The following SH3BP1 variants were observed in gnomAD, a reference collection of about 807,000 sequenced individuals.
The protein encoded by SH3BP1 is SH3 domain-binding protein 1.
Under a neutral mutation model 69.8 loss-of-function variants are expected in SH3BP1, and 46 were observed. The observed-to-expected ratio is 0.66, with a 90% CI of 0.52 to 0.84. The LOEUF is 0.84. Ranked by LOEUF, SH3BP1 falls within the 40% of genes least tolerant of loss-of-function variation. The pLI is 0.00. For synonymous variants in SH3BP1, 403 were observed against 378.0 expected (o/e 1.07, Z -0.77); for missense variants, 868 against 930.9 (o/e 0.93, Z 0.88).
At chr22:37,642,248 C>T in intron 3 of SH3BP1, 2 of 440,522 alleles carry the variant, frequency 4.5e-6, no homozygotes, top group Non-Finnish European at 8.5e-6. Flanking sequence ...GGGCAAGCTC[C>T]CTGCCCTCCC....
chr22:37,649,939 G>A (rs1046500075), intron 14 of SH3BP1: 5 of 669,416 alleles, frequency 7.5e-6, no homozygotes, highest in Non-Finnish European at 1.4e-5. Flanking sequence ...TGAGGAAAAG[G>A]GTCCTTGATT....
chr22:37,648,316 T>C lies in SH3BP1; in HGVS notation c.1200-3T>C. ...CCTGGCCTAAGCCTGCCTCCGCCCT[T>C]AGGTACCTGATGAAGTTCCTGGCAC... On this transcript the variant is annotated splice_region_variant and splice_polypyrimidine_tract_variant and intron_variant, in intron 13 of 17. Coordinates refer to ENST00000649765, the MANE Select transcript of SH3BP1 (RefSeq NM_018957.6). 1.3e-6 allele frequency: 2 copies of C among 1,581,794 alleles called. No homozygotes were observed. The highest frequency in any genetic ancestry group is 2.3e-5 in the East Asian group (1 of 43,860).
In SH3BP1 at chr22:37,650,530, T is replaced by C. The variant is rs764171772; in HGVS notation, c.1415-12T>C. 1 of 1,603,948 alleles carries C rather than the reference T, an allele frequency of 6.2e-7. No individual in the cohort carries two copies. On this transcript the variant is annotated splice_polypyrimidine_tract_variant and intron_variant, in intron 15 of 17. Coordinates refer to ENST00000649765, the MANE Select transcript of SH3BP1 (RefSeq NM_018957.6). Reference sequence around the variant, plus strand: ...GGTCTCTGAGAGCCGTCTCCGCTCCTTCTGTCTCCAGACATCAACTTCAAC... The same window carrying C: ...GGTCTCTGAGAGCCGTCTCCGCTCCCTCTGTCTCCAGACATCAACTTCAAC...
At chr22:37,641,100 C>CG in intron 1 of SH3BP1, 26 bp from the exon 2 acceptor site, 3 of 379,796 alleles carry the variant, frequency 7.9e-6, no homozygotes, top group Non-Finnish European at 1.0e-5. Context: ...AAGCACTCTC[C>CG]CCCCCCCCCC....
intron 4 of SH3BP1, 52 bp downstream of exon 4, chr22:37,642,667 C>T (rs1323698749): frequency 2.5e-6 from 4 of 1,612,020 alleles, no homozygotes; most frequent in Non-Finnish European, 3.4e-6. Flanking sequence ...GACGTGATCT[C>T]AGCTGGGAGG....
chr22:37,640,515 A>G (rs1601579053), intron 1 of SH3BP1: 1 of 153,210 alleles, frequency 6.5e-6, no homozygotes, highest in East Asian at 1.9e-4. Context: ...CCCCAGCCTC[A>G]GGAGTTCCCC....
chr22:37,643,544 C>T, intron 6 of SH3BP1, 100 bp from the exon 7 acceptor site: 1 of 1,526,694 alleles, frequency 6.6e-7, no homozygotes, highest in Non-Finnish European at 9.0e-7. Flanking sequence ...ATCTGCAGCT[C>T]TAAATCCTAG....
chr22:37,647,741 T>C (rs1445484684), intron 13 of SH3BP1, among the ~76,000 whole-genome samples: 7 of 151,890 alleles, frequency 4.6e-5, no homozygotes, highest in African/African-American at 1.7e-4. Context: ...AGTGGTGCAG[T>C]CTTGGCTCAC....
At chr22:37,654,851 T>G (rs1932972636) in intron 17 of SH3BP1, among the ~76,000 whole-genome samples, 1 of 152,134 alleles carries the variant, frequency 6.6e-6, no homozygotes, top group Non-Finnish European at 1.5e-5. Context: ...GGCTTACACC[T>G]GTCATCCCAG....
intron 7 of SH3BP1, 22 bp from the exon 8 acceptor site, chr22:37,644,615 C>T: frequency 3.1e-6 from 5 of 1,613,384 alleles, no homozygotes; most frequent in Non-Finnish European, 4.2e-6. Flanking sequence ...CCAACGTAAG[C>T]TCTCCCCTCT....
At chr22:37,643,030 C>CCCCCAGGTT (rs750791379) in intron 5 of SH3BP1, 24 bp downstream of exon 5, 72 of 1,608,170 alleles carry the variant, frequency 4.5e-5, no homozygotes, top group Non-Finnish European at 5.5e-5. Context: ...CTGCTTTCAG[C>CCCCCAGGTT]CCCCAGCTTC....
At chr22:37,648,549 C>A in intron 14 of SH3BP1, 114 bp downstream of exon 14, 1 of 725,444 alleles carries the variant, frequency 1.4e-6, no homozygotes. Flanking sequence ...GTGGGTTGAG[C>A]AGCTCCTGTT....
intron 14 of SH3BP1, among the ~76,000 whole-genome samples, chr22:37,649,025 G>A (rs908433546): frequency 7.9e-5 from 12 of 151,954 alleles, no homozygotes; most frequent in African/African-American, 1.9e-4. Context: ...CGCCTGGCTC[G>A]ATCAGGTTCT....
At position 37,655,689 on chromosome 22, in the gene SH3BP1, C is replaced by T; in HGVS notation, c.*5C>T. ...CTTGCCTCAGAGACCAACTGAGTGG[C>T]TGGTTTCTCCCTAAGCAGCCCTCAG... On this transcript the variant is annotated 3_prime_UTR_variant, in exon 18 of 18. Coordinates refer to ENST00000649765, the MANE Select transcript of SH3BP1 (RefSeq NM_018957.6). 7.0e-7 allele frequency: 1 copy of T among 1,429,334 alleles called. No individual in the cohort carries two copies. Among genetic ancestry groups the T allele is most frequent in the Non-Finnish European group, 9.2e-7 (1 of 1,086,702 alleles). 88.5% of individuals were successfully genotyped at this position (1,429,334 alleles called of 1,614,324 possible).
intron 17 of SH3BP1, 21 bp downstream of exon 17, chr22:37,653,894 G>A: frequency 8.8e-6 from 11 of 1,249,338 alleles, no homozygotes; most frequent in Non-Finnish European, 1.3e-5. Flanking sequence ...TGTGGGAGGG[G>A]AGGAGGGGAC....
In SH3BP1 at chr22:37,655,141, C is replaced by T. The variant is rs932376308; in HGVS notation, c.1694-131C>T. 1.5e-5 allele frequency: 10 copies of T among 665,358 alleles called. No homozygotes were observed. The African/African-American group carries it at 1.7e-4, about 12-fold the overall frequency. 41.2% of individuals were successfully genotyped at this position (665,358 alleles called of 1,614,324 possible). A position where few individuals can be genotyped will look rare whatever the true frequency, so the allele number is the denominator to read the frequency against. On this transcript the variant is annotated intron_variant, in intron 17 of 17. Transcript: ENST00000649765. Reference sequence around the variant, plus strand: ...AAGGAGAGGCCTAGACGATGAGGAGCCAGCCGCAGAAACGGTGTTCCCGGC... The same window carrying T: ...AAGGAGAGGCCTAGACGATGAGGAGTCAGCCGCAGAAACGGTGTTCCCGGC...
rs1932987771 is a variant in SH3BP1, at chr22:37,655,261, TTCC to T, written c.1694-8_1694-6del. The T allele has an allele frequency of 6.3e-7, 1 of 1,581,476 alleles. No individual in the cohort carries two copies. The highest frequency in any genetic ancestry group is 8.6e-7 in the Non-Finnish European group (1 of 1,166,652). On this transcript the variant is annotated splice_polypyrimidine_tract_variant and splice_region_variant and intron_variant, in intron 17 of 17. Transcript: ENST00000649765. ...ACACTCAGCCTCCCTCACCCTTTCC[TTCC>T]TCAACAGCCAAGCGCCCGGCGCCAG...
intron 14 of SH3BP1, chr22:37,649,800 T>G: frequency 3.1e-6 from 1 of 321,384 alleles, no homozygotes; most frequent in Non-Finnish European, 6.0e-6. Context: ...AAAGAAGAAA[T>G]AATAAAATTA....
intron 14 of SH3BP1, 160 bp from the exon 15 acceptor site, chr22:37,649,992 C>T (rs1056243665): frequency 7.5e-5 from 59 of 790,412 alleles, no homozygotes; most frequent in Non-Finnish European, 1.2e-4. Flanking sequence ...GGACATTTGG[C>T]ATGTGAGTGA....
Sources: allele counts gnomAD v4.1 joint callset (sites outside exome capture counted in the v4.1 genomes callset), GRCh38; gene constraint gnomAD v4.1.1; transcripts MANE v1.5; gene names NCBI Gene and HGNC (gene_info 2026-07-23, HGNC 2026-07-21).